The following ABAT variants were observed in gnomAD, a reference collection of about 807,000 sequenced individuals.
ABAT encodes 4-aminobutyrate aminotransferase, mitochondrial.
In ABAT, 45 loss-of-function variants were observed where a neutral mutation model predicts 64.6. The observed-to-expected ratio is 0.70, with a 90% confidence interval of 0.55 to 0.89. The LOEUF (loss-of-function observed/expected upper bound fraction) is 0.89. Ranked by LOEUF, ABAT falls within the 40% of genes least tolerant of loss-of-function variation. ABAT has a pLI of 0.00. For synonymous variants in ABAT, 297 were observed against 250.5 expected, an observed-to-expected ratio of 1.19 and a Z score of -1.75; for missense variants, 633 against 658.4, an observed-to-expected ratio of 0.96 and a Z score of 0.42.
intron 5 of ABAT, among the ~76,000 whole-genome samples, chr16:8,755,924 C>T (rs897615268): frequency 6.6e-6 from 1 of 152,164 alleles, no homozygotes; most frequent in Non-Finnish European, 1.5e-5. Context: ...TGATGGGCGC[C>T]TGTAGGCCCA....
chr16:8,746,467 C>A (rs2059331591), intron 3 of ABAT, among the ~76,000 whole-genome samples: 1 of 151,988 alleles, frequency 6.6e-6, no homozygotes, highest in Admixed American at 6.5e-5. Flanking sequence ...GCAAGGGAAT[C>A]ACTTGAATCT....
intron 1 of ABAT, among the ~76,000 whole-genome samples, chr16:8,735,405 C>G (rs2058891282): frequency 6.6e-6 from 1 of 151,956 alleles, no homozygotes; most frequent in Admixed American, 6.6e-5. Flanking sequence ...GCAGGCACCA[C>G]CACACCCAGC....
chr16:8,744,991 T>A (rs1316407266), intron 2 of ABAT, among the ~76,000 whole-genome samples: 1 of 152,030 alleles, frequency 6.6e-6, no homozygotes, highest in African/African-American at 2.4e-5. Context: ...TCCCTTTGTT[T>A]TTTGTTTGTT....
chr16:8,747,768 T>A (rs2059374353), intron 3 of ABAT, among the ~76,000 whole-genome samples: 1 of 152,192 alleles, frequency 6.6e-6, no homozygotes, highest in Admixed American at 6.5e-5. Flanking sequence ...AATGAAGTGT[T>A]AACACCTTTT....
intron 1 of ABAT, among the ~76,000 whole-genome samples, chr16:8,680,913 T>A (rs2057317536): frequency 6.6e-6 from 1 of 152,178 alleles, no homozygotes; most frequent in Non-Finnish European, 1.5e-5. Flanking sequence ...AATTGAGTTG[T>A]CTTTTTGTCT....
At chr16:8,721,438 A>T (rs915651544) in intron 1 of ABAT, among the ~76,000 whole-genome samples, 1 of 152,094 alleles carries the variant, frequency 6.6e-6, no homozygotes, top group African/African-American at 2.4e-5. Context: ...CACCTGTGAG[A>T]CTCAGACCTA....
At chr16:8,722,979 C>G (rs2058418031) in intron 1 of ABAT, 1 of 762,992 alleles carries the variant, frequency 1.3e-6, no homozygotes, top group Middle Eastern at 3.3e-4. Flanking sequence ...TGGCTCATGC[C>G]TGTAATTCCA....
chr16:8,746,080 C>T lies in ABAT; in HGVS notation c.150C>T (p.Val50=), dbSNP rs2142624986. Residue 50 remains valine (V), a synonymous_variant, in exon 3 of 16, where the codon GTC becomes GTT. Transcript: ENST00000268251. ...DYDGPLMKTE[V]PGPRSQELMK... The stretch of plus-strand genomic sequence containing the variant: ...ATGGGCCTCTGATGAAGACGGAAGT[C>T]CCAGGGCCTAGATCTCAGGTGAGTT... 2 of 1,613,538 alleles carry T rather than the reference C, an allele frequency of 1.2e-6. No homozygotes were observed. Among genetic ancestry groups the T allele is most frequent in the Admixed American group, 1.7e-5 (1 of 60,020 alleles).
At chr16:8,718,965 T>C (rs2058288374) in intron 1 of ABAT, among the ~76,000 whole-genome samples, 3 of 152,224 alleles carry the variant, frequency 2.0e-5, no homozygotes, top group African/African-American at 7.2e-5. Flanking sequence ...GAAATATAAA[T>C]GTTTCACTTG....
At chr16:8,760,345 G>T (rs1182576328) in intron 6 of ABAT, 1 of 152,238 alleles carries the variant, frequency 6.6e-6, no homozygotes, top group Non-Finnish European at 1.5e-5. Context: ...ATCCCAGAAA[G>T]AAATCTAAGA....
At chr16:8,693,815 T>G (rs1042647860) in intron 1 of ABAT, among the ~76,000 whole-genome samples, 6 of 152,130 alleles carry the variant, frequency 3.9e-5, no homozygotes, top group Non-Finnish European at 8.8e-5. Context: ...TTTGTTTCAC[T>G]TTGCCCATTC....
chr16:8,760,566 G>GTCC (rs1341788462), intron 6 of ABAT: 2 of 152,274 alleles, frequency 1.3e-5, no homozygotes, highest in African/African-American at 4.8e-5. Context: ...GGGAACTGGT[G>GTCC]TCCTCCTGAA....
At chr16:8,741,203 A>C (rs1250210733) in intron 2 of ABAT, among the ~76,000 whole-genome samples, 1 of 152,238 alleles carries the variant, frequency 6.6e-6, no homozygotes, top group East Asian at 1.9e-4. Context: ...TATTTTATTC[A>C]AGAATGAAAA....
At chr16:8,721,318 G>A (rs867059786) in intron 1 of ABAT, among the ~76,000 whole-genome samples, 1 of 152,110 alleles carries the variant, frequency 6.6e-6, no homozygotes, top group African/African-American at 2.4e-5. Context: ...AGGGATTTGA[G>A]GATCATGAAG....
chr16:8,729,647 CT>C (rs1267000383), intron 1 of ABAT, among the ~76,000 whole-genome samples: 42 of 151,812 alleles, frequency 2.8e-4, no homozygotes, highest in African/African-American at 8.0e-4. Context: ...AGCGAGACCC[CT>C]GTCTCTAAAA....
At chr16:8,710,727 A>AGAGAGAGAGAGAGAGAGAGAGG (rs146344975) in intron 1 of ABAT, among the ~76,000 whole-genome samples, 2 of 103,700 alleles carry the variant, frequency 1.9e-5, no homozygotes, top group Non-Finnish European at 2.1e-5. Flanking sequence ...AGAGAGAGAG[A>AGAGAGAGAGAGAGAGAGAGAGG]GAGGAAATAG....
chr16:8,749,926 G>A (rs1206713230), intron 4 of ABAT, among the ~76,000 whole-genome samples: 1 of 151,872 alleles, frequency 6.6e-6, no homozygotes, highest in Non-Finnish European at 1.5e-5. Context: ...TGTTGCCCAC[G>A]CTGGTCTTGA....
intron 1 of ABAT, among the ~76,000 whole-genome samples, chr16:8,730,965 C>A (rs946137204): frequency 5.3e-5 from 8 of 152,118 alleles, no homozygotes; most frequent in Non-Finnish European, 1.0e-4. Context: ...GAAACTATTT[C>A]TAATTTTTTG....
intron 1 of ABAT, among the ~76,000 whole-genome samples, chr16:8,711,726 A>ATTGGATGGATG (rs1489993719): frequency 0.44 from 40,542 of 92,156 alleles, 11,827 homozygotes; most frequent in East Asian, 0.79. Flanking sequence ...ATGGATGGGA[A>ATTGGATGGATG]GATGGATGGG....
Sources: gnomAD v4.1 joint callset for allele counts (sites outside exome capture counted in the v4.1 genomes callset) on GRCh38, gnomAD v4.1.1 for gene constraint, MANE v1.5 for transcripts, NCBI Gene and HGNC (gene_info 2026-07-23, HGNC 2026-07-21) for gene names.